The following SIN3A variants were observed in gnomAD, a reference collection of about 807,000 sequenced individuals.
The protein encoded by SIN3A is SIN3 transcription regulator family member A.
SIN3A carries 14 observed loss-of-function variants against 146.1 expected under a neutral mutation model. The observed-to-expected ratio is 0.10, with a 90% CI of 0.06 to 0.15. The LOEUF is 0.15. Ranked by LOEUF, SIN3A falls within the 10% of genes least tolerant of loss-of-function variation. The pLI is 1.00. For missense variants in SIN3A, 1,028 were observed against 1,576.0 expected (o/e 0.65, Z 5.89); for synonymous variants, 572 against 572.0 (o/e 1.00, Z 0.00).
At chr15:75,417,931 G>A (rs1164967695) in intron 3 of SIN3A, among the ~76,000 whole-genome samples, 1 of 152,120 alleles carries the variant, frequency 6.6e-6, no homozygotes. Flanking sequence ...CCAGTGTAAG[G>A]ACACACATTC....
chr15:75,395,788 C>G (rs1284089482), intron 13 of SIN3A, among the ~76,000 whole-genome samples: 1 of 151,830 alleles, frequency 6.6e-6, no homozygotes, highest in Non-Finnish European at 1.5e-5. Flanking sequence ...TCCTGTAGTC[C>G]CAGCTATTCG....
At chr15:75,378,054 G>A (rs1302036061) in intron 19 of SIN3A, among the ~76,000 whole-genome samples, 1 of 152,158 alleles carries the variant, frequency 6.6e-6, no homozygotes, top group Non-Finnish European at 1.5e-5. Context: ...TAGCGATAGC[G>A]ATATTAAATC....
At chr15:75,394,574 G>C in intron 14 of SIN3A, 106 bp downstream of exon 14, 3 of 854,106 alleles carry the variant, frequency 3.5e-6, no homozygotes, top group Non-Finnish European at 5.5e-6. Flanking sequence ...GAATCAACAG[G>C]TCTTAGAGAG....
At chr15:75,452,878 T>C (rs908657539), upstream of SIN3A, 7 of 152,270 alleles carry the variant, frequency 4.6e-5, no homozygotes, top group African/African-American at 1.7e-4. Context: ...CTGTTCACCT[T>C]CTCCTTGGCC....
At chr15:75,403,705 T>A (rs2073455638) in intron 9 of SIN3A, among the ~76,000 whole-genome samples, 1 of 152,106 alleles carries the variant, frequency 6.6e-6, no homozygotes, top group African/African-American at 2.4e-5. Flanking sequence ...AACGCCCAGC[T>A]AATGTTTTTT....
chr15:75,448,324 C>T (rs1196734646), intron 1 of SIN3A, among the ~76,000 whole-genome samples: 4 of 151,992 alleles, frequency 2.6e-5, no homozygotes, highest in East Asian at 3.9e-4. Flanking sequence ...ATGGTGAAAC[C>T]CTGCCTCTAC....
intron 8 of SIN3A, among the ~76,000 whole-genome samples, chr15:75,408,673 A>G (rs2073566930): frequency 6.6e-6 from 1 of 152,236 alleles, no homozygotes; most frequent in Admixed American, 6.5e-5. Context: ...ATGGATTACT[A>G]AGAGGAGTTT....
chr15:75,372,411 G>A (rs2072770007), intron 20 of SIN3A, among the ~76,000 whole-genome samples: 1 of 152,068 alleles, frequency 6.6e-6, no homozygotes, highest in African/African-American at 2.4e-5. Flanking sequence ...TAGAACATGT[G>A]AGGGCATGAA....
chr15:75,420,235 A>G (rs2073816307), intron 3 of SIN3A: 1 of 152,184 alleles, frequency 6.6e-6, no homozygotes, highest in African/African-American at 2.4e-5. Context: ...ACTGCTGCTG[A>G]CATTCAATAA....
At chr15:75,394,255 C>G (rs2073262156) in intron 14 of SIN3A, among the ~76,000 whole-genome samples, 1 of 152,238 alleles carries the variant, frequency 6.6e-6, no homozygotes, top group Non-Finnish European at 1.5e-5. Context: ...TTATTCATCT[C>G]TGATCCTAGC....
intron 9 of SIN3A, among the ~76,000 whole-genome samples, chr15:75,404,997 T>C (rs1450808981): frequency 6.6e-6 from 1 of 151,642 alleles, no homozygotes; most frequent in African/African-American, 2.4e-5. Context: ...ATTTTAAAAA[T>C]TAGCTGAGTG....
intron 14 of SIN3A, among the ~76,000 whole-genome samples, chr15:75,393,252 A>G (rs1040852490): frequency 2.6e-5 from 4 of 152,228 alleles, no homozygotes; most frequent in African/African-American, 4.8e-5. Flanking sequence ...GGACCTGACT[A>G]TAACAATAAT....
At chr15:75,389,268 C>T (rs2073151498) in intron 16 of SIN3A, among the ~76,000 whole-genome samples, 1 of 151,356 alleles carries the variant, frequency 6.6e-6, no homozygotes, top group Non-Finnish European at 1.5e-5. Flanking sequence ...CAAGACCAGC[C>T]TGGGCAAAAC....
intron 15 of SIN3A, 117 bp downstream of exon 15, chr15:75,392,125 A>T: frequency 2.1e-6 from 2 of 933,730 alleles, no homozygotes; most frequent in Non-Finnish European, 3.2e-6. Flanking sequence ...CAGAGAGTTT[A>T]ACTACACAGA....
chr15:75,423,761 G>A (rs1412363147), intron 2 of SIN3A, among the ~76,000 whole-genome samples: 2 of 152,290 alleles, frequency 1.3e-5, no homozygotes, highest in East Asian at 1.9e-4. Context: ...GGGAGGCCCA[G>A]GCAGACAGAT....
At chr15:75,401,294 G>A (rs11631052) in intron 10 of SIN3A, among the ~76,000 whole-genome samples, 4 of 151,890 alleles carry the variant, frequency 2.6e-5, no homozygotes, top group Non-Finnish European at 5.9e-5. Context: ...TTGGGAGGCC[G>A]AGGCAGGTGG....
At chr15:75,437,981 T>C (rs750302544) in intron 1 of SIN3A, among the ~76,000 whole-genome samples, 1 of 151,726 alleles carries the variant, frequency 6.6e-6, no homozygotes, top group Non-Finnish European at 1.5e-5. Flanking sequence ...ATTGCACCAC[T>C]GCACTCCAGC....
chr15:75,452,368 G>A (rs572016564), upstream of SIN3A, among the ~76,000 whole-genome samples: 1 of 152,328 alleles, frequency 6.6e-6, no homozygotes, highest in South Asian at 2.1e-4. Context: ...GGGGAGCGGA[G>A]CTCATCAGCG....
rs1367011774 is a variant in SIN3A at position 75,370,669 on chromosome 15, A to G, written c.*1310T>C. 1.3e-5 allele frequency: 2 copies of G among 152,198 alleles called. No homozygotes were observed. The highest frequency in any genetic ancestry group is 2.4e-5 in the African/African-American group (1 of 41,450). The allele number at this position is 152,198 out of a possible 1,614,324, so 9.4% of individuals were successfully genotyped here. A position where few individuals can be genotyped will look rare whatever the true frequency, so the allele number is the denominator to read the frequency against. Reference sequence around the variant, plus strand: ...TCACCCCCATCCATCACCAATGTGAATAAGAAAAAATATATAGAAATACAA... The same window carrying G: ...TCACCCCCATCCATCACCAATGTGAGTAAGAAAAAATATATAGAAATACAA... On this transcript the variant is annotated 3_prime_UTR_variant, in exon 21 of 21. Transcript: ENST00000394947.
Sources: gnomAD v4.1 joint callset for allele counts (sites outside exome capture counted in the v4.1 genomes callset) on GRCh38, gnomAD v4.1.1 for gene constraint, MANE v1.5 for transcripts, NCBI Gene and HGNC (gene_info 2026-07-23, HGNC 2026-07-21) for gene names.